CAST: variants seen among roughly 807,000 people sequenced by gnomAD.
CAST encodes the protein MIR583 host.
CAST carries 76 observed loss-of-function variants against 119.6 expected under a neutral mutation model. The ratio of observed to expected loss-of-function variants is 0.64; its 90% CI spans 0.53 to 0.77. The LOEUF (loss-of-function observed/expected upper bound fraction) is 0.77. Among genes scored for constraint, CAST ranks in the 30% least tolerant of loss-of-function variants. CAST has a pLI of 0.00. For missense variants in CAST, 953 were observed against 946.5 expected, an observed-to-expected ratio of 1.01 and a Z score of -0.09; for synonymous variants, 319 against 331.6, an observed-to-expected ratio of 0.96 and a Z score of 0.41.
At chr5:96,126,531 C>A in the CAST span, among the ~76,000 whole-genome samples, 3 of 151,328 alleles carry the variant, frequency 2.0e-5, no homozygotes, top group African/African-American at 7.3e-5. Flanking sequence ...CTTTTTTTTC[C>A]CTTTTTCTTT....
chr5:96,033,151 A>G, the CAST span, among the ~76,000 whole-genome samples: 1 of 152,148 alleles, frequency 6.6e-6, no homozygotes, highest in African/African-American at 2.4e-5. Flanking sequence ...AAGTTATAAA[A>G]TATTGATGAA....
At chr5:96,596,356 C>T (rs1747051116) in intron 1 of CAST, among the ~76,000 whole-genome samples, 1 of 152,072 alleles carries the variant, frequency 6.6e-6, no homozygotes, top group African/African-American at 2.4e-5. Flanking sequence ...TACAGTCAGC[C>T]ACTAAAAGCT....
chr5:96,364,673 C>T, the CAST span, among the ~76,000 whole-genome samples: 2 of 152,048 alleles, frequency 1.3e-5, no homozygotes, highest in Non-Finnish European at 2.9e-5. Context: ...GGTGATATCC[C>T]CTTTATCATT....
chr5:96,046,001 A>C, the CAST span, among the ~76,000 whole-genome samples: 1 of 152,228 alleles, frequency 6.6e-6, no homozygotes, highest in Non-Finnish European at 1.5e-5. Flanking sequence ...ATTTAAACAA[A>C]TACATGGAGT....
the CAST span, among the ~76,000 whole-genome samples, chr5:95,998,651 C>A: frequency 6.6e-6 from 1 of 152,088 alleles, no homozygotes; most frequent in Non-Finnish European, 1.5e-5. Context: ...TTTATCTAAT[C>A]CTGTATTGAT....
the CAST span, among the ~76,000 whole-genome samples, chr5:96,356,459 G>GT: frequency 6.6e-6 from 1 of 152,120 alleles, no homozygotes; most frequent in Non-Finnish European, 1.5e-5. Flanking sequence ...GGTTTTTATG[G>GT]TTTTAGGTCT....
At chr5:96,397,494 A>G in the CAST span, 1 of 1,603,552 alleles carries the variant, frequency 6.2e-7, no homozygotes, top group Non-Finnish European at 8.5e-7. Context: ...CAAGTTAATG[A>G]ATGTCCTAAT....
the CAST span, among the ~76,000 whole-genome samples, chr5:96,274,586 C>A: frequency 2.0e-5 from 3 of 152,184 alleles, no homozygotes; most frequent in Admixed American, 6.5e-5. Flanking sequence ...ATTAAAGTTG[C>A]CCTTAGGCCT....
upstream of CAST, among the ~76,000 whole-genome samples, chr5:96,659,573 G>A (rs1464597069): frequency 6.6e-6 from 1 of 152,168 alleles, no homozygotes; most frequent in Non-Finnish European, 1.5e-5. Context: ...CTGTCGCCCA[G>A]GCTGGAGTGC....
At chr5:96,689,475 G>A (rs1186503910) in intron 2 of CAST, among the ~76,000 whole-genome samples, 1 of 152,182 alleles carries the variant, frequency 6.6e-6, no homozygotes, top group Admixed American at 6.5e-5. Flanking sequence ...AATACCGTAA[G>A]CATTTTTTTT....
the CAST span, among the ~76,000 whole-genome samples, chr5:96,310,589 G>T: frequency 6.7e-6 from 1 of 148,912 alleles, no homozygotes. Context: ...GGGAGACTAT[G>T]GATTACTGAC....
At chr5:96,390,105 T>C in the CAST span, among the ~76,000 whole-genome samples, 1 of 152,234 alleles carries the variant, frequency 6.6e-6, no homozygotes, top group African/African-American at 2.4e-5. Flanking sequence ...AGATAGTTTG[T>C]TCATTTCTCA....
the CAST span, among the ~76,000 whole-genome samples, chr5:96,012,465 C>T: frequency 2.0e-5 from 3 of 152,054 alleles, no homozygotes; most frequent in Non-Finnish European, 4.4e-5. Context: ...GCCTCAGTTG[C>T]CTCATCTGTA....
the CAST span, among the ~76,000 whole-genome samples, chr5:95,967,071 A>T: frequency 6.6e-6 from 1 of 152,106 alleles, no homozygotes; most frequent in East Asian, 1.9e-4. Flanking sequence ...TGACCTAACA[A>T]CTCTTACCAT....
chr5:96,447,016 C>A, the CAST span, among the ~76,000 whole-genome samples: 1 of 152,266 alleles, frequency 6.6e-6, no homozygotes, highest in Admixed American at 6.5e-5. Flanking sequence ...AGAAGAGATG[C>A]CCAATTAATC....
chr5:96,404,561 T>A, the CAST span, among the ~76,000 whole-genome samples: 3 of 152,210 alleles, frequency 2.0e-5, no homozygotes, highest in African/African-American at 7.2e-5. Flanking sequence ...TATTGAGTAG[T>A]CTGCTTGTGA....
At chr5:96,714,157 T>C (rs1222387003) in intron 3 of CAST, among the ~76,000 whole-genome samples, 1 of 152,210 alleles carries the variant, frequency 6.6e-6, no homozygotes, top group Non-Finnish European at 1.5e-5. Context: ...TCCTCACTGC[T>C]AGCTTATGAA....
intron 1 of CAST, among the ~76,000 whole-genome samples, chr5:96,552,118 C>A (rs967443829): frequency 2.0e-5 from 3 of 152,262 alleles, no homozygotes; most frequent in African/African-American, 7.2e-5. Flanking sequence ...AATATACTTT[C>A]TTCTCAGCAC....
At chr5:96,606,167 CAACAAA>C (rs918033154) in intron 1 of CAST, among the ~76,000 whole-genome samples, 1 of 150,876 alleles carries the variant, frequency 6.6e-6, no homozygotes, top group African/African-American at 2.4e-5. Flanking sequence ...ACAACAACAA[CAACAAA>C]AAAAAAACAC....
Sources: gnomAD v4.1 joint callset for allele counts (sites outside exome capture counted in the v4.1 genomes callset) on GRCh38, gnomAD v4.1.1 for gene constraint, MANE v1.5 for transcripts, NCBI Gene and HGNC (gene_info 2026-07-23, HGNC 2026-07-21) for gene names.